Variants in PPEF1 observed in about 807,000 individuals in gnomAD.
PPEF1 encodes the protein serine/threonine-protein phosphatase with EF-hands 1.
PPEF1 carries 12 observed loss-of-function variants against 53.3 expected under a neutral mutation model. That is an observed-to-expected ratio of 0.23 (90% CI 0.14 to 0.36). The LOEUF is 0.36. Ranked by LOEUF, PPEF1 falls within the 10% of genes least tolerant of loss-of-function variation. The pLI is 1.00. For missense variants in PPEF1, 334 were observed against 490.4 expected, an observed-to-expected ratio of 0.68 and a Z score of 3.01; for synonymous variants, 165 against 176.7, an observed-to-expected ratio of 0.93 and a Z score of 0.52.
At chrX:18,767,455 GA>G (rs1298481410) in intron 6 of PPEF1, among the ~76,000 whole-genome samples, 1 of 111,624 alleles carries the variant, frequency 9.0e-6, no homozygotes, top group East Asian at 2.8e-4. Flanking sequence ...TGAGGCAGAA[GA>G]ATTGCTTGAA....
intron 3 of PPEF1, 150 bp from the exon 4 acceptor site, chrX:18,749,642 G>A: frequency 1.4e-5 from 6 of 422,476 alleles, no homozygotes; most frequent in Non-Finnish European, 2.4e-5. Context: ...CATTCCTCGT[G>A]GTTATATGTG....
chrX:18,726,679 G>A (rs1351462641), intron 1 of PPEF1, among the ~76,000 whole-genome samples: 3 of 105,571 alleles, frequency 2.8e-5, no homozygotes, highest in African/African-American at 1.0e-4. Context: ...TTTTTTAATC[G>A]AAATGGAGTC....
At chrX:18,811,601 ATATATATATATATATTT>A (rs2046805702) in intron 12 of PPEF1, among the ~76,000 whole-genome samples, 1 of 76,991 alleles carries the variant, frequency 1.3e-5, no homozygotes, top group Admixed American at 1.6e-4. Flanking sequence ...ATATATATAT[ATATATATATATATATTT>A]TTTTTTTTTT....
chrX:18,754,726 TA>T (rs2045512426), intron 4 of PPEF1, among the ~76,000 whole-genome samples: 1 of 111,837 alleles, frequency 8.9e-6, no homozygotes, highest in African/African-American at 3.3e-5. Context: ...GCCTCTCAAG[TA>T]GCTGGGACTG....
chrX:18,788,491 A>G (rs767277430), intron 9 of PPEF1, among the ~76,000 whole-genome samples: 1 of 110,247 alleles, frequency 9.1e-6, no homozygotes, highest in South Asian at 3.9e-4. Flanking sequence ...GAGGGATTCT[A>G]GTAATTGATG....
chrX:18,791,346 G>A (rs1210915090), intron 10 of PPEF1, among the ~76,000 whole-genome samples: 1 of 112,008 alleles, frequency 8.9e-6, no homozygotes, highest in Admixed American at 9.5e-5. Context: ...GTCTTGAGAT[G>A]TCTTTCCATT....
intron 1 of PPEF1, among the ~76,000 whole-genome samples, chrX:18,722,921 C>T (rs992077014): frequency 6.3e-5 from 7 of 111,499 alleles, no homozygotes; most frequent in Admixed American, 9.5e-5. Flanking sequence ...CTCAGTTGGC[C>T]GGGCTCTTCT....
intron 6 of PPEF1, among the ~76,000 whole-genome samples, chrX:18,771,912 C>G (rs190004870): frequency 5.0e-4 from 56 of 111,393 alleles, no homozygotes; most frequent in African/African-American, 1.7e-3. Context: ...GCCAGGAGAT[C>G]GAGACCAGCC....
chrX:18,722,974 A>G (rs2044620603), intron 1 of PPEF1, among the ~76,000 whole-genome samples: 1 of 108,160 alleles, frequency 9.2e-6, no homozygotes, highest in South Asian at 3.9e-4. Context: ...CTGTTTGTCC[A>G]CAGTAATTTG....
intron 12 of PPEF1, 64 bp downstream of exon 12, chrX:18,806,609 G>T: frequency 9.9e-7 from 1 of 1,014,082 alleles, no homozygotes; most frequent in Non-Finnish European, 1.3e-6. Context: ...CCAGTCCCAC[G>T]TGACTAAGAG....
upstream of PPEF1, among the ~76,000 whole-genome samples, chrX:18,678,385 T>C (rs1335809140): frequency 9.4e-6 from 1 of 106,945 alleles, no homozygotes; most frequent in Non-Finnish European, 1.9e-5. Flanking sequence ...TGCAACAAGC[T>C]GAGATCGCAT....
upstream of PPEF1, among the ~76,000 whole-genome samples, chrX:18,681,330 CA>C (rs1462641615): frequency 8.9e-6 from 1 of 112,012 alleles, no homozygotes; most frequent in Non-Finnish European, 1.9e-5. Context: ...TTGTCCCCAC[CA>C]TCCTCGACTG....
chrX:18,789,639 T>C (rs2046289829), intron 10 of PPEF1, among the ~76,000 whole-genome samples: 1 of 112,268 alleles, frequency 8.9e-6, no homozygotes, highest in Admixed American at 9.5e-5. Context: ...ATCAATCTAC[T>C]ATCTGTCTTT....
intron 3 of PPEF1, among the ~76,000 whole-genome samples, chrX:18,734,622 A>G (rs1209160174): frequency 9.0e-6 from 1 of 111,507 alleles, no homozygotes; most frequent in Non-Finnish European, 1.9e-5. Context: ...AGCATGATTT[A>G]TAATCCTTTG....
chrX:18,803,991 A>G lies in PPEF1; in HGVS notation c.1165A>G (p.Lys389Glu). The G allele has an allele frequency of 8.3e-7, 1 of 1,204,950 alleles. No individual in the cohort carries two copies. The change falls in exon 11 of 16, where the codon AAG (lysine) becomes GAG (glutamate). Residue 389 changes from lysine to glutamate, a missense_variant. Transcript: ENST00000470157. Reference sequence around the variant, plus strand: ...CTATTTTGGACCAGATGTTACTTCCAAGATTCTTAATAAATACCAGTTGAA... The same window carrying G: ...CTATTTTGGACCAGATGTTACTTCCGAGATTCTTAATAAATACCAGTTGAA... ...GCYFGPDVTS[K>E]ILNKYQLKML...
Position 18,765,514 on chromosome X carries a change from G to C in PPEF1, c.558+3938G>C, listed in dbSNP as rs748706776. Among the ~76,000 whole-genome samples the C allele has an allele frequency of 4.5e-5, 5 of 111,222 alleles. No homozygotes were observed. The South Asian group carries it at 1.9e-3, about 42-fold the overall frequency. ...TGTCAGATGATGGATACTTTAATTT[G>C]CTTCACTATAGTAACCTTTTTACTA... On this transcript the variant is annotated intron_variant, in intron 6 of 15. Coordinates refer to ENST00000470157, the MANE Select transcript of PPEF1 (RefSeq NM_001377996.1).
chrX:18,789,822 GTATT>G (rs2046292650), intron 10 of PPEF1, among the ~76,000 whole-genome samples: 2 of 112,105 alleles, frequency 1.8e-5, no homozygotes, highest in South Asian at 3.7e-4. Flanking sequence ...TATACACATT[GTATT>G]TATTCATTCA....
chrX:18,689,485 A>T (rs1929243054), intron 3 of PPEF1, among the ~76,000 whole-genome samples: 1 of 105,866 alleles, frequency 9.4e-6, no homozygotes, highest in Non-Finnish European at 2.0e-5. Context: ...CTCTCGACAG[A>T]GTGAGACCCT....
intron 10 of PPEF1, 42 bp downstream of exon 10, chrX:18,789,315 T>C (rs761581485): frequency 1.4e-5 from 16 of 1,142,780 alleles, no homozygotes; most frequent in African/African-American, 5.4e-5. Flanking sequence ...ACAATGACAC[T>C]AGCGTGCATG....
Sources: gnomAD v4.1 joint callset for allele counts (sites outside exome capture counted in the v4.1 genomes callset) on GRCh38, gnomAD v4.1.1 for gene constraint, MANE v1.5 for transcripts, NCBI Gene and HGNC (gene_info 2026-07-23, HGNC 2026-07-21) for gene names.